Variants in FAM107B observed in about 807,000 individuals in gnomAD.
FAM107B encodes protein FAM107B.
FAM107B carries 21 observed loss-of-function variants against 31.5 expected under a neutral mutation model. The ratio of observed to expected loss-of-function variants is 0.67; its 90% CI spans 0.47 to 0.96. The LOEUF (loss-of-function observed/expected upper bound fraction) is 0.96, where lower values mean the gene tolerates loss of function less well. FAM107B is among the 40% of genes least tolerant of loss of function. The pLI is 0.00. For synonymous variants in FAM107B, 157 were observed against 141.5 expected (o/e 1.11, Z -0.78); for missense variants, 452 against 377.1 (o/e 1.20, Z -1.64).
At chr10:14,745,731 G>A (rs991542150) in intron 1 of FAM107B, among the ~76,000 whole-genome samples, 11 of 152,008 alleles carry the variant, frequency 7.2e-5, no homozygotes, top group African/African-American at 2.4e-4. Context: ...TTATGTGGTT[G>A]ATTTTAGTGA....
intron 2 of FAM107B, chr10:14,604,208 G>GA: frequency 2.0e-6 from 2 of 979,564 alleles, no homozygotes; most frequent in African/African-American, 1.8e-5. Flanking sequence ...CCTCGTCTTT[G>GA]TGTGGAAAGT....
intron 2 of FAM107B, among the ~76,000 whole-genome samples, chr10:14,543,356 G>A (rs980780760): frequency 6.6e-6 from 1 of 152,170 alleles, no homozygotes; most frequent in Non-Finnish European, 1.5e-5. Flanking sequence ...GACTGGCACA[G>A]AAGTGAGCAG....
At chr10:14,642,482 G>A (rs935614633) in intron 2 of FAM107B, among the ~76,000 whole-genome samples, 1 of 152,168 alleles carries the variant, frequency 6.6e-6, no homozygotes, top group Non-Finnish European at 1.5e-5. Flanking sequence ...TTCTCATCTA[G>A]TGAAATCCAA....
intron 2 of FAM107B, among the ~76,000 whole-genome samples, chr10:14,637,256 CT>C (rs1853523981): frequency 6.6e-6 from 1 of 152,148 alleles, no homozygotes; most frequent in African/African-American, 2.4e-5. Flanking sequence ...GGGGTGGCCC[CT>C]ATGATCCCTA....
intron 1 of FAM107B, among the ~76,000 whole-genome samples, chr10:14,765,169 G>A (rs1047376529): frequency 3.3e-5 from 5 of 152,180 alleles, no homozygotes; most frequent in African/African-American, 1.2e-4. Flanking sequence ...AACTGAATTG[G>A]AAATGCAATG....
At position 14,671,883 on chromosome 10, in the gene FAM107B, A is replaced by C. The variant is rs1431076534; in HGVS notation, c.412-4192T>G. On this transcript the variant is annotated intron_variant, in intron 1 of 4. Transcript: ENST00000181796. ...CACTCCCTTTTATTTAAAAAAAAAA[A>C]ACAAAAAAACAAAAAAAAAACCCTC... Among the ~76,000 whole-genome samples the C allele has an allele frequency of 5.7e-3, 559 of 97,286 alleles. 15 individuals are homozygous for C. The highest frequency in any genetic ancestry group is 4.6e-3 in the Non-Finnish European group (217 of 46,804). The allele number at this position is 97,286 out of a possible 152,430, so 63.8% of individuals were successfully genotyped here.
chr10:14,737,132 C>T (rs1053276385), intron 1 of FAM107B, among the ~76,000 whole-genome samples: 4 of 152,084 alleles, frequency 2.6e-5, no homozygotes, highest in African/African-American at 7.2e-5. Flanking sequence ...ATCTTGTCAG[C>T]GCTCTGAGAA....
At chr10:14,569,487 C>G (rs1168331679) in intron 2 of FAM107B, among the ~76,000 whole-genome samples, 1 of 152,124 alleles carries the variant, frequency 6.6e-6, no homozygotes, top group African/African-American at 2.4e-5. Flanking sequence ...GGAAGCTAGA[C>G]AGACTCAACA....
intron 2 of FAM107B, chr10:14,571,964 A>G (rs1851262765): frequency 1.0e-6 from 1 of 985,314 alleles, no homozygotes; most frequent in Non-Finnish European, 1.2e-6. Context: ...CAAGGTAGCA[A>G]ATAAAAAGAT....
chr10:14,699,235 T>C (rs1337047172), intron 1 of FAM107B, among the ~76,000 whole-genome samples: 1 of 152,124 alleles, frequency 6.6e-6, no homozygotes, highest in Non-Finnish European at 1.5e-5. Flanking sequence ...AAAGAAGCTA[T>C]AGAGATATAG....
intron 1 of FAM107B, among the ~76,000 whole-genome samples, chr10:14,732,569 T>C (rs1856198633): frequency 6.6e-6 from 1 of 152,082 alleles, no homozygotes; most frequent in African/African-American, 2.4e-5. Flanking sequence ...AACTGCTGTA[T>C]CAATGTAAGG....
intron 1 of FAM107B, among the ~76,000 whole-genome samples, chr10:14,670,794 T>A (rs1254224602): frequency 6.6e-6 from 1 of 152,218 alleles, no homozygotes; most frequent in African/African-American, 2.4e-5. Flanking sequence ...ATGCTCTTGG[T>A]TGGAGAGCTT....
chr10:14,679,050 G>C (rs866300606), intron 1 of FAM107B, among the ~76,000 whole-genome samples: 4 of 152,354 alleles, frequency 2.6e-5, no homozygotes, highest in Middle Eastern at 3.4e-3. Context: ...TGGAGTTAGA[G>C]AGACTGAGGT....
chr10:14,645,923 C>T (rs1190376057), intron 2 of FAM107B, among the ~76,000 whole-genome samples: 1 of 152,118 alleles, frequency 6.6e-6, no homozygotes, highest in Non-Finnish European at 1.5e-5. Context: ...GAAAGGTTAA[C>T]AATAAGAATT....
At chr10:14,626,705 G>T (rs11259236) in intron 2 of FAM107B, among the ~76,000 whole-genome samples, 11,127 of 151,854 alleles carry the variant, frequency 0.073, 487 homozygotes, top group East Asian at 0.19. Flanking sequence ...GGGTTTCACC[G>T]TGTTAGCCAG....
At chr10:14,635,376 G>A (rs1021791827) in intron 2 of FAM107B, among the ~76,000 whole-genome samples, 1 of 152,068 alleles carries the variant, frequency 6.6e-6, no homozygotes, top group African/African-American at 2.4e-5. Context: ...CCCACCTAAG[G>A]CTAAAAGAAC....
At chr10:14,716,105 C>T (rs1050800124) in intron 1 of FAM107B, among the ~76,000 whole-genome samples, 3 of 152,210 alleles carry the variant, frequency 2.0e-5, no homozygotes, top group African/African-American at 7.2e-5. Flanking sequence ...GGTTTTCCAT[C>T]CACCCTTCCA....
At chr10:14,560,420 C>G (rs1056582889) in intron 2 of FAM107B, among the ~76,000 whole-genome samples, 1 of 152,210 alleles carries the variant, frequency 6.6e-6, no homozygotes, top group African/African-American at 2.4e-5. Flanking sequence ...ACAGAGCCGT[C>G]AGAGCGGGAA....
chr10:14,726,433 C>CA (rs1367306012), intron 1 of FAM107B, among the ~76,000 whole-genome samples: 2 of 152,178 alleles, frequency 1.3e-5, no homozygotes, highest in Non-Finnish European at 2.9e-5. Context: ...AGGATGTCTG[C>CA]ACCAGGCTTG....
Sources: allele counts gnomAD v4.1 joint callset (sites outside exome capture counted in the v4.1 genomes callset), GRCh38; gene constraint gnomAD v4.1.1; transcripts MANE v1.5; gene names NCBI Gene and HGNC (gene_info 2026-07-23, HGNC 2026-07-21).